The following AGMO variants were observed in gnomAD, a reference collection of about 807,000 sequenced individuals.
AGMO encodes alkylglycerol monooxygenase.
A neutral mutation model predicts 60.2 loss-of-function variants in AGMO; 75 were observed. The ratio of observed to expected loss-of-function variants is 1.25; its 90% CI spans 1.03 to 1.51. The LOEUF is 1.51. Ranked by LOEUF, AGMO falls within the 40% of genes most tolerant of loss-of-function variation. The probability of loss-of-function intolerance (pLI) is 0.00; values close to 1 mark genes in which losing one functional copy is unlikely to be tolerated. For synonymous variants in AGMO, 261 were observed against 177.1 expected (o/e 1.47, Z -3.76); for missense variants, 763 against 525.5 (o/e 1.45, Z -4.42).
intron 9 of AGMO, among the ~76,000 whole-genome samples, chr7:15,386,228 T>C (rs1783908522): frequency 6.6e-6 from 1 of 152,104 alleles, no homozygotes; most frequent in Non-Finnish European, 1.5e-5. Context: ...TAGGTAATCA[T>C]GCTTCAAAGA....
the AGMO span, among the ~76,000 whole-genome samples, chr7:15,168,502 A>AGAC: frequency 6.6e-6 from 1 of 152,300 alleles, no homozygotes; most frequent in South Asian, 2.1e-4. Context: ...TCCAGAGCTA[A>AGAC]GACGGGAATT....
At chr7:15,339,591 C>A (rs1781769762) in intron 12 of AGMO, among the ~76,000 whole-genome samples, 2 of 152,102 alleles carry the variant, frequency 1.3e-5, no homozygotes, top group African/African-American at 4.8e-5. Context: ...GGGCTTGCTG[C>A]ATTTTATGCA....
At chr7:15,290,001 G>C (rs1421922850) in intron 12 of AGMO, among the ~76,000 whole-genome samples, 1 of 123,952 alleles carries the variant, frequency 8.1e-6, no homozygotes, top group African/African-American at 3.1e-5. Context: ...GCCCAGGATG[G>C]ACAGTGCAGT....
At chr7:15,337,289 A>C (rs1355503790) in intron 12 of AGMO, among the ~76,000 whole-genome samples, 2 of 152,214 alleles carry the variant, frequency 1.3e-5, no homozygotes, top group African/African-American at 2.4e-5. Context: ...GAAGGCCTTA[A>C]GCCAAGAATT....
the AGMO span, among the ~76,000 whole-genome samples, chr7:15,171,956 C>T: frequency 2.0e-5 from 3 of 152,048 alleles, no homozygotes; most frequent in East Asian, 5.8e-4. Flanking sequence ...CACTATAGGC[C>T]ACTTACAAAA....
chr7:15,129,936 C>T, the AGMO span, among the ~76,000 whole-genome samples: 1 of 152,044 alleles, frequency 6.6e-6, no homozygotes, highest in Non-Finnish European at 1.5e-5. Flanking sequence ...GTGTATCAGC[C>T]ATGCTCGAGT....
At chr7:15,374,799 G>C (rs1013851304) in intron 10 of AGMO, among the ~76,000 whole-genome samples, 1 of 152,054 alleles carries the variant, frequency 6.6e-6, no homozygotes, top group East Asian at 1.9e-4. Flanking sequence ...GCCAGGATTT[G>C]AGAGAAACCA....
At position 15,322,705 on chromosome 7, in the gene AGMO, A is replaced by G. The variant is rs1444276910; in HGVS notation, c.1263+42809T>C. Among the ~76,000 whole-genome samples the G allele has an allele frequency of 1.1e-4, 5 of 43,822 alleles. No individual in the cohort carries two copies. The East Asian group carries it at 2.6e-3, about 23-fold the overall frequency. 28.7% of individuals were successfully genotyped at this position (43,822 alleles called of 152,430 possible). ...ATATATAAATATATGAATATGTATAAATATATATAAATATATAAATATATA... is the reference window on the plus strand; with the variant it reads ...ATATATAAATATATGAATATGTATAGATATATATAAATATATAAATATATA... On this transcript the variant is annotated intron_variant, in intron 12 of 12. Transcript: ENST00000342526.
intron 12 of AGMO, among the ~76,000 whole-genome samples, chr7:15,270,204 G>A (rs765822962): frequency 7.2e-5 from 11 of 151,956 alleles, no homozygotes; most frequent in Non-Finnish European, 1.3e-4. Context: ...TTTCATAGAG[G>A]TTGTACTAAT....
intron 4 of AGMO, among the ~76,000 whole-genome samples, chr7:15,430,466 T>C (rs562955497): frequency 2.6e-5 from 4 of 151,872 alleles, no homozygotes; most frequent in Admixed American, 6.6e-5. Flanking sequence ...AGAGGCTATT[T>C]CTGGTATTCA....
intron 2 of AGMO, among the ~76,000 whole-genome samples, chr7:15,547,556 A>G (rs550334693): frequency 0.013 from 1,903 of 152,046 alleles, 26 homozygotes; most frequent in African/African-American, 0.043. Context: ...AAGGGGTGAC[A>G]GACGCACCTG....
chr7:15,299,628 G>A (rs1784503674), intron 12 of AGMO, among the ~76,000 whole-genome samples: 1 of 152,036 alleles, frequency 6.6e-6, no homozygotes, highest in African/African-American at 2.4e-5. Flanking sequence ...GAGTTCTAGA[G>A]CAGCCTAGGC....
intron 3 of AGMO, among the ~76,000 whole-genome samples, chr7:15,525,284 GA>G (rs1055291961): frequency 2.0e-5 from 3 of 152,054 alleles, no homozygotes; most frequent in African/African-American, 7.2e-5. Context: ...TTTAAAGCCT[GA>G]AAAACCAAGT....
intron 12 of AGMO, among the ~76,000 whole-genome samples, chr7:15,237,052 C>T (rs1435530436): frequency 1.3e-5 from 2 of 151,850 alleles, no homozygotes; most frequent in Non-Finnish European, 2.9e-5. Flanking sequence ...CTTTGAATAC[C>T]TTTTTAAAGT....
chr7:15,334,988 T>A (rs1284896148), intron 12 of AGMO, among the ~76,000 whole-genome samples: 1 of 152,180 alleles, frequency 6.6e-6, no homozygotes, highest in East Asian at 1.9e-4. Context: ...TGTTTGGATT[T>A]TTATTGGAGA....
chr7:15,465,050 A>G (rs975917524), intron 3 of AGMO, among the ~76,000 whole-genome samples: 1 of 152,146 alleles, frequency 6.6e-6, no homozygotes, highest in Non-Finnish European at 1.5e-5. Flanking sequence ...CTTAGGAAGC[A>G]CTATCTTTTA....
chr7:15,496,476 A>G (rs754951579), intron 3 of AGMO, among the ~76,000 whole-genome samples: 18 of 152,048 alleles, frequency 1.2e-4, no homozygotes, highest in Non-Finnish European at 2.4e-4. Context: ...CTCCCCTGTA[A>G]TGTAACATAT....
intron 10 of AGMO, among the ~76,000 whole-genome samples, chr7:15,384,572 A>G (rs891903900): frequency 2.6e-5 from 4 of 152,138 alleles, no homozygotes; most frequent in Non-Finnish European, 5.9e-5. Context: ...TCTTTCCAAT[A>G]TAACTATTAT....
At chr7:15,538,005 T>A (rs1429746798) in intron 3 of AGMO, among the ~76,000 whole-genome samples, 1 of 152,042 alleles carries the variant, frequency 6.6e-6, no homozygotes, top group African/African-American at 2.4e-5. Flanking sequence ...ATGGTTAACA[T>A]AGGTGCCATA....
Sources: gnomAD v4.1 joint callset for allele counts (sites outside exome capture counted in the v4.1 genomes callset) on GRCh38, gnomAD v4.1.1 for gene constraint, MANE v1.5 for transcripts, NCBI Gene and HGNC (gene_info 2026-07-23, HGNC 2026-07-21) for gene names.